SUSD1: variants seen among roughly 807,000 people sequenced by gnomAD.
SUSD1 encodes the protein sushi domain-containing protein 1.
A neutral mutation model predicts 86.9 loss-of-function variants in SUSD1; 65 were observed. That is an observed-to-expected ratio of 0.75 (90% CI 0.61 to 0.92). The LOEUF is 0.92. SUSD1 is among the 40% of genes least tolerant of loss of function. The pLI is 0.00. For synonymous variants in SUSD1, 346 were observed against 350.0 expected (o/e 0.99, Z 0.13); for missense variants, 850 against 929.7 (o/e 0.91, Z 1.11).
chr9:112,111,616 C>T, intron 8 of SUSD1, 38 bp downstream of exon 8: 1 of 1,599,038 alleles, frequency 6.3e-7, no homozygotes, highest in Middle Eastern at 1.7e-4. Context: ...CTGTGCTTAG[C>T]ATTTTCTAGG....
chr9:112,041,817 C>T (rs775777228), intron 16 of SUSD1, 50 bp downstream of exon 16: 4 of 1,560,346 alleles, frequency 2.6e-6, no homozygotes, highest in Non-Finnish European at 1.7e-6. Context: ...GACTCTGACC[C>T]ATCCTCCCCT....
chr9:112,165,466 T>C (rs1423253926), intron 1 of SUSD1, among the ~76,000 whole-genome samples: 2 of 146,782 alleles, frequency 1.4e-5, no homozygotes, highest in Non-Finnish European at 3.0e-5. Flanking sequence ...CTGGAGAGCA[T>C]TGGCACGATC....
chr9:112,127,049 A>G (rs1831804295), intron 5 of SUSD1, among the ~76,000 whole-genome samples: 1 of 152,094 alleles, frequency 6.6e-6, no homozygotes, highest in Admixed American at 6.5e-5. Flanking sequence ...AAGGCATGTC[A>G]GTCATATTCT....
intron 14 of SUSD1, among the ~76,000 whole-genome samples, chr9:112,056,408 C>G (rs1196012406): frequency 1.3e-5 from 2 of 152,162 alleles, no homozygotes; most frequent in African/African-American, 4.8e-5. Flanking sequence ...TGTGAATGAA[C>G]TTAATGCCAC....
At chr9:112,065,286 G>A (rs1443266243) in intron 12 of SUSD1, among the ~76,000 whole-genome samples, 1 of 152,200 alleles carries the variant, frequency 6.6e-6, no homozygotes, top group African/African-American at 2.4e-5. Context: ...ACTTTGGGAG[G>A]CAGAGGTGGG....
intron 1 of SUSD1, among the ~76,000 whole-genome samples, chr9:112,170,780 G>A (rs1564362185): frequency 6.6e-6 from 1 of 150,470 alleles, no homozygotes; most frequent in Non-Finnish European, 1.5e-5. Flanking sequence ...CATGATCTCG[G>A]CTCACTGCAA....
intron 2 of SUSD1, among the ~76,000 whole-genome samples, chr9:112,151,961 G>A (rs1317815051): frequency 3.9e-5 from 6 of 152,054 alleles, no homozygotes; most frequent in Admixed American, 1.3e-4. Flanking sequence ...TTGAACCTGG[G>A]AGGCAGAGGT....
intron 8 of SUSD1, among the ~76,000 whole-genome samples, chr9:112,104,501 T>C (rs1043156971): frequency 6.6e-6 from 1 of 152,160 alleles, no homozygotes; most frequent in Non-Finnish European, 1.5e-5. Context: ...AGGTACCATC[T>C]GGCAGAGAGC....
At chr9:112,059,283 CT>C (rs1828602632) in intron 13 of SUSD1, among the ~76,000 whole-genome samples, 1 of 152,226 alleles carries the variant, frequency 6.6e-6, no homozygotes, top group African/African-American at 2.4e-5. Flanking sequence ...AGTACATCCT[CT>C]TTCGCTGGGA....
intron 1 of SUSD1, among the ~76,000 whole-genome samples, chr9:112,165,942 G>GAAGAAAGAAAGAAAGAA (rs1833795535): frequency 5.6e-5 from 4 of 71,912 alleles, no homozygotes. Flanking sequence ...AAGAAAGAAA[G>GAAGAAAGAAAGAAAGAA]AAGAAAGAAA....
In SUSD1 at chr9:112,098,672, G is replaced by A; in HGVS notation, c.1282-10C>T. The A allele has an allele frequency of 1.9e-6, 3 of 1,613,770 alleles. No individual in the cohort carries two copies. Among genetic ancestry groups the A allele is most frequent in the Non-Finnish European group, 2.5e-6 (3 of 1,179,724 alleles). On this transcript the variant is annotated splice_polypyrimidine_tract_variant and intron_variant, in intron 9 of 16. Coordinates refer to ENST00000374270, the MANE Select transcript of SUSD1 (RefSeq NM_022486.5). ...GACCCAGAACGGTAAACTGTCATGA[G>A]ATTAAAAGAAAGTGTTACATTAGAT...
At chr9:112,144,682 C>T (rs556370534) in intron 3 of SUSD1, among the ~76,000 whole-genome samples, 197 of 152,196 alleles carry the variant, frequency 1.3e-3, no homozygotes, top group African/African-American at 4.4e-3. Flanking sequence ...GTGAAAATGC[C>T]AGCCCATGAG....
chr9:112,068,800 T>C (rs1420879419), intron 12 of SUSD1, among the ~76,000 whole-genome samples: 2 of 152,200 alleles, frequency 1.3e-5, no homozygotes, highest in South Asian at 4.1e-4. Context: ...AAATACAGGT[T>C]GTCCAATAAT....
intron 9 of SUSD1, 110 bp from the exon 10 acceptor site, chr9:112,098,772 T>C: frequency 2.0e-6 from 2 of 1,005,842 alleles, no homozygotes; most frequent in East Asian, 2.6e-5. Context: ...TATTTATCCT[T>C]GCCCACTTAG....
chr9:112,115,813 A>G (rs28674821), intron 6 of SUSD1, among the ~76,000 whole-genome samples: 1 of 15,930 alleles, frequency 6.3e-5, no homozygotes, highest in South Asian at 4.4e-3. Flanking sequence ...CATTGCAAAA[A>G]AAAAAAAAAA....
chr9:112,111,869 C>T (rs979034575), intron 7 of SUSD1, 29 bp from the exon 8 acceptor site: 8 of 1,608,020 alleles, frequency 5.0e-6, no homozygotes, highest in Middle Eastern at 3.3e-4. Flanking sequence ...AGAGAACCCA[C>T]TCTGACTCCA....
At chr9:112,154,085 C>T (rs1564345684) in intron 2 of SUSD1, among the ~76,000 whole-genome samples, 1 of 152,054 alleles carries the variant, frequency 6.6e-6, no homozygotes, top group African/African-American at 2.4e-5. Context: ...ATCTTATGGG[C>T]CCACTGTTGT....
At chr9:112,147,898 G>A (rs1312463319) in intron 3 of SUSD1, among the ~76,000 whole-genome samples, 2 of 151,832 alleles carry the variant, frequency 1.3e-5, no homozygotes, top group African/African-American at 4.8e-5. Flanking sequence ...CTGTAACATT[G>A]TACTTCTGCA....
intron 1 of SUSD1, among the ~76,000 whole-genome samples, chr9:112,166,608 G>A (rs1479878965): frequency 6.6e-6 from 1 of 152,206 alleles, no homozygotes; most frequent in African/African-American, 2.4e-5. Flanking sequence ...TAGCACAGCT[G>A]TGGGACAAAT....
Sources: allele counts gnomAD v4.1 joint callset (sites outside exome capture counted in the v4.1 genomes callset), GRCh38; gene constraint gnomAD v4.1.1; transcripts MANE v1.5; gene names NCBI Gene and HGNC (gene_info 2026-07-23, HGNC 2026-07-21).